PRKD1: variants seen among roughly 807,000 people sequenced by gnomAD.
The protein encoded by PRKD1 is protein kinase D1.
A neutral mutation model predicts 95.9 loss-of-function variants in PRKD1; 63 were observed. The observed-to-expected ratio is 0.66, with a 90% CI of 0.54 to 0.81. The LOEUF (loss-of-function observed/expected upper bound fraction) is 0.81. PRKD1 is among the 30% of genes least tolerant of loss of function. The pLI is 0.00. For synonymous variants in PRKD1, 425 were observed against 423.1 expected, an observed-to-expected ratio of 1.00 and a Z score of -0.05; for missense variants, 1,048 against 1,165.3, an observed-to-expected ratio of 0.90 and a Z score of 1.47.
At chr14:29,872,018 A>G (rs1299771615) in intron 1 of PRKD1, among the ~76,000 whole-genome samples, 2 of 152,212 alleles carry the variant, frequency 1.3e-5, no homozygotes, top group African/African-American at 2.4e-5. Context: ...AGTTTATTGC[A>G]GACCTAATAC....
At chr14:29,613,142 T>G (rs138169960) in intron 13 of PRKD1, among the ~76,000 whole-genome samples, 1 of 152,262 alleles carries the variant, frequency 6.6e-6, no homozygotes. Flanking sequence ...AAAGAAATAT[T>G]TGAAGAAATA....
intron 1 of PRKD1, among the ~76,000 whole-genome samples, chr14:29,886,380 A>G (rs1485486282): frequency 6.6e-6 from 1 of 152,190 alleles, no homozygotes; most frequent in Non-Finnish European, 1.5e-5. Context: ...TATTCTTTCC[A>G]AACGTAGATA....
At chr14:29,924,248 C>A (rs1363595399) in intron 1 of PRKD1, among the ~76,000 whole-genome samples, 2 of 152,078 alleles carry the variant, frequency 1.3e-5, no homozygotes, top group South Asian at 2.1e-4. Flanking sequence ...AGAAATAATT[C>A]TTTACTTATA....
At chr14:29,909,073 C>T (rs962024510) in intron 1 of PRKD1, among the ~76,000 whole-genome samples, 11 of 152,290 alleles carry the variant, frequency 7.2e-5, no homozygotes, top group African/African-American at 2.6e-4. Context: ...GTGGGCTTGG[C>T]GGGCCCCACA....
At chr14:29,801,858 T>C (rs1286777918) in intron 1 of PRKD1, among the ~76,000 whole-genome samples, 13 of 152,170 alleles carry the variant, frequency 8.5e-5, no homozygotes, top group African/African-American at 2.9e-4. Flanking sequence ...CTGGCTAATT[T>C]TGTATTTTTA....
intron 1 of PRKD1, among the ~76,000 whole-genome samples, chr14:29,778,020 T>C (rs1466063955): frequency 6.6e-6 from 1 of 152,164 alleles, no homozygotes; most frequent in African/African-American, 2.4e-5. Context: ...ACATGGAAAC[T>C]GAACAACCTG....
intron 1 of PRKD1, among the ~76,000 whole-genome samples, chr14:29,730,261 G>A: frequency 6.6e-6 from 1 of 152,000 alleles, no homozygotes; most frequent in Non-Finnish European, 1.5e-5. Context: ...ACACGTATAT[G>A]AAAAATTGCT....
chr14:29,677,994 T>C (rs1594420188), intron 2 of PRKD1, among the ~76,000 whole-genome samples: 1 of 152,356 alleles, frequency 6.6e-6, no homozygotes, highest in Middle Eastern at 3.4e-3. Flanking sequence ...CCAATGATTT[T>C]TCACTAGAAG....
chr14:29,899,897 C>T (rs906082495), intron 1 of PRKD1, among the ~76,000 whole-genome samples: 2 of 152,094 alleles, frequency 1.3e-5, no homozygotes, highest in East Asian at 1.9e-4. Context: ...ATCATGGGGG[C>T]GGTTTCCTCC....
In PRKD1 at chr14:29,618,335, C is replaced by T. The variant is rs115254719; in HGVS notation, c.1905+5817G>A. On this transcript the variant is annotated intron_variant, in intron 13 of 17. Coordinates refer to ENST00000331968, the MANE Select transcript of PRKD1 (RefSeq NM_002742.3). ...TGGTATGATCTCTCCTCACTGCAAC[C>T]TCTGCCTCCTGGAGGGTTCAAGTGA... 4.8e-3 allele frequency among the ~76,000 whole-genome samples: 723 copies of T among 151,360 alleles called. 4 individuals are homozygous for T. The highest frequency in any genetic ancestry group is 0.016 in the African/African-American group (645 of 41,282).
chr14:29,925,648 G>A (rs1414288721), intron 1 of PRKD1, among the ~76,000 whole-genome samples: 1 of 152,192 alleles, frequency 6.6e-6, no homozygotes, highest in Non-Finnish European at 1.5e-5. Flanking sequence ...GAAGTGGGGG[G>A]CGGGGTGGAG....
intron 1 of PRKD1, among the ~76,000 whole-genome samples, chr14:29,754,743 A>G (rs1887621285): frequency 6.6e-6 from 1 of 152,038 alleles, no homozygotes; most frequent in South Asian, 2.1e-4. Flanking sequence ...TTGGTATTAC[A>G]TCTTAATACT....
chr14:29,755,639 G>T (rs957244627), intron 1 of PRKD1, among the ~76,000 whole-genome samples: 2 of 152,018 alleles, frequency 1.3e-5, no homozygotes, highest in African/African-American at 4.8e-5. Flanking sequence ...CTAACTCCTT[G>T]GCCTGAATAA....
chr14:29,814,649 A>C (rs1251376547), intron 1 of PRKD1, among the ~76,000 whole-genome samples: 7 of 152,080 alleles, frequency 4.6e-5, no homozygotes, highest in African/African-American at 1.7e-4. Context: ...CTCTCCACTC[A>C]GCTTAGGCTC....
chr14:29,692,069 A>T (rs527752651), intron 2 of PRKD1, among the ~76,000 whole-genome samples: 2 of 152,282 alleles, frequency 1.3e-5, no homozygotes, highest in East Asian at 1.9e-4. Context: ...TTTAAATGTG[A>T]AACTTAACAC....
At chr14:29,801,899 G>A (rs1330891299) in intron 1 of PRKD1, among the ~76,000 whole-genome samples, 1 of 152,160 alleles carries the variant, frequency 6.6e-6, no homozygotes, top group Non-Finnish European at 1.5e-5. Context: ...TGTTGGTCAG[G>A]CTGGTCTCAA....
chr14:29,620,245 A>T (rs1345116288), intron 13 of PRKD1, among the ~76,000 whole-genome samples: 1 of 151,440 alleles, frequency 6.6e-6, no homozygotes, highest in Non-Finnish European at 1.5e-5. Context: ...AGGCATTACC[A>T]TTCAGGACAT....
chr14:29,675,889 A>T (rs1180797630), intron 2 of PRKD1, among the ~76,000 whole-genome samples: 6 of 150,946 alleles, frequency 4.0e-5, no homozygotes, highest in Non-Finnish European at 8.8e-5. Context: ...ACAAAAACAC[A>T]AACACCGCAT....
At chr14:29,826,229 AAT>A (rs1219024921) in intron 1 of PRKD1, among the ~76,000 whole-genome samples, 3 of 80,680 alleles carry the variant, frequency 3.7e-5, no homozygotes, top group Non-Finnish European at 4.8e-5. Flanking sequence ...TATATGATGG[AAT>A]ATATATATAC....
Sources: allele counts gnomAD v4.1 joint callset (sites outside exome capture counted in the v4.1 genomes callset), GRCh38; gene constraint gnomAD v4.1.1; transcripts MANE v1.5; gene names NCBI Gene and HGNC (gene_info 2026-07-23, HGNC 2026-07-21).